The following TGIF1 variants were observed in gnomAD, a reference collection of about 807,000 sequenced individuals.
TGIF1 encodes the protein TGFB induced factor homeobox 1.
A neutral mutation model predicts 19.3 loss-of-function variants in TGIF1; 4 were observed. The observed-to-expected ratio is 0.21, with a 90% confidence interval of 0.10 to 0.47. TGIF1 has a LOEUF of 0.47. TGIF1 is among the 20% of genes least tolerant of loss of function. The probability of loss-of-function intolerance (pLI) is 0.98; values close to 1 mark genes in which losing one functional copy is unlikely to be tolerated. For missense variants in TGIF1, 275 were observed against 341.4 expected (o/e 0.81, Z 1.53); for synonymous variants, 122 against 129.3 (o/e 0.94, Z 0.38).
chr18:3,448,654 A>T, upstream of TGIF1: 2 of 983,540 alleles, frequency 2.0e-6, no homozygotes, highest in Non-Finnish European at 2.4e-6. Context: ...TTAGTCCTGT[A>T]ATTGGAAAAA....
chr18:3,432,921 G>A (rs919531105), intron 2 of TGIF1, among the ~76,000 whole-genome samples: 5 of 152,004 alleles, frequency 3.3e-5, no homozygotes, highest in African/African-American at 1.2e-4. Context: ...CACCAAGCCC[G>A]GCTAATTTTG....
intron 1 of TGIF1, chr18:3,452,441 C>G (rs996007047): frequency 1.9e-5 from 30 of 1,610,300 alleles, no homozygotes; most frequent in Middle Eastern, 1.6e-4. Context: ...GGAGCCGAGG[C>G]TGCCGAGGTT....
chr18:3,451,845 G>T lies in TGIF1; in HGVS notation c.16+1340G>T. Reference sequence around the variant, plus strand: ...TCGGGACAGGGAATTGGCCCTGGGAGAAAACGCGCGGGGGGCGTCCGAGAC... The same window carrying T: ...TCGGGACAGGGAATTGGCCCTGGGATAAAACGCGCGGGGGGCGTCCGAGAC... On this transcript the variant is annotated intron_variant, in intron 1 of 2. Transcript: ENST00000343820. The surrounding 1 kb of genome is among the most constrained non-coding windows in gnomAD (Gnocchi z 5.4). The T allele has an allele frequency of 7.2e-7, 1 of 1,394,008 alleles. No homozygotes were observed. Among genetic ancestry groups the T allele is most frequent in the South Asian group, 1.8e-5 (1 of 54,102 alleles). The allele number at this position is 1,394,008 out of a possible 1,614,324, so 86.4% of individuals were successfully genotyped here. A position where few individuals can be genotyped will look rare whatever the true frequency, so the allele number is the denominator to read the frequency against.
In TGIF1 at chr18:3,422,678, T is replaced by TAGG. The variant is rs2082417653; in HGVS notation, c.-45+4463_-45+4464insAGG. ...AAGTGCCCTATATAGGTGGCCTTTT[T>TAGG]TTTTTTTTTTTTTTTTTTTTTTTTT... On this transcript the variant is annotated intron_variant, in intron 2 of 3. Coordinates refer to the TGIF1 transcript ENST00000401449. 2.8e-4 allele frequency among the ~76,000 whole-genome samples: 8 copies of TAGG among 28,090 alleles called. No homozygotes were observed. In the East Asian group the frequency reaches 3.3e-3, roughly 12 times the overall value. 18.4% of individuals were successfully genotyped at this position (28,090 alleles called of 152,430 possible). A position where few individuals can be genotyped will look rare whatever the true frequency, so the allele number is the denominator to read the frequency against.
upstream of TGIF1, chr18:3,448,044 C>T (rs932706286): frequency 1.5e-5 from 15 of 971,132 alleles, no homozygotes; most frequent in African/African-American, 3.6e-5. Context: ...AAGAGGGAAA[C>T]ATTTTTGTCT....
chr18:3,430,257 G>C (rs1485250811), intron 2 of TGIF1, among the ~76,000 whole-genome samples: 1 of 152,144 alleles, frequency 6.6e-6, no homozygotes, highest in Non-Finnish European at 1.5e-5. Context: ...TGTATTTCAA[G>C]AGATTACTAG....
intron 2 of TGIF1, among the ~76,000 whole-genome samples, chr18:3,437,290 C>A (rs1050145624): frequency 3.3e-5 from 5 of 152,210 alleles, no homozygotes; most frequent in East Asian, 3.9e-4. Context: ...TCTTATCCTG[C>A]AGATAATCAA....
At chr18:3,414,079 G>C (rs2082302060) in intron 1 of TGIF1, among the ~76,000 whole-genome samples, 1 of 152,096 alleles carries the variant, frequency 6.6e-6, no homozygotes, top group Non-Finnish European at 1.5e-5. Context: ...ATTCTCTTAG[G>C]TTTTCTAGAT....
In TGIF1 at chr18:3,450,434, C is replaced by G; in HGVS notation, c.-56C>G. On this transcript the variant is annotated 5_prime_UTR_variant, in exon 1 of 3. Coordinates refer to ENST00000343820, the MANE Select transcript of TGIF1 (RefSeq NM_003244.4). ...GACGTTCGCTTATCCCCTGTGTCCC[C>G]GCTCCTGGCCCCTCCAGACCCCCGC... is the stretch of plus-strand genomic sequence containing the variant. The G allele has an allele frequency of 6.4e-7, 1 of 1,551,870 alleles. No homozygotes were observed. Among genetic ancestry groups the G allele is most frequent in the Non-Finnish European group, 8.7e-7 (1 of 1,147,292 alleles).
chr18:3,434,904 A>G (rs546494415), intron 2 of TGIF1, among the ~76,000 whole-genome samples: 1 of 152,344 alleles, frequency 6.6e-6, no homozygotes, highest in East Asian at 1.9e-4. Flanking sequence ...GTGAACAGGA[A>G]AAATAAAGCC....
chr18:3,437,232 A>G (rs2082625339), intron 2 of TGIF1, among the ~76,000 whole-genome samples: 1 of 152,150 alleles, frequency 6.6e-6, no homozygotes, highest in Non-Finnish European at 1.5e-5. Context: ...TCGATAGTTG[A>G]CATGACTTCT....
upstream of TGIF1, chr18:3,447,901 AC>A: frequency 6.6e-7 from 1 of 1,522,662 alleles, no homozygotes; most frequent in Non-Finnish European, 9.1e-7. Context: ...CAAGCTATAA[AC>A]CCTTTCCAAT....
intron 2 of TGIF1, among the ~76,000 whole-genome samples, chr18:3,439,293 A>T (rs2082653236): frequency 6.6e-6 from 1 of 152,142 alleles, no homozygotes; most frequent in Admixed American, 6.5e-5. Flanking sequence ...AGCAAAACAA[A>T]CAAAAACACT....
upstream of TGIF1, among the ~76,000 whole-genome samples, chr18:3,447,355 G>T (rs1308329603): frequency 1.6e-5 from 2 of 123,946 alleles, no homozygotes; most frequent in Non-Finnish European, 3.5e-5. Context: ...AAAAAAAAAA[G>T]CACTGGAAAG....
chr18:3,421,291 CTTA>C, intron 2 of TGIF1, among the ~76,000 whole-genome samples: 1 of 147,024 alleles, frequency 6.8e-6, no homozygotes, highest in Non-Finnish European at 1.5e-5. Context: ...GAGTTTGCGT[CTTA>C]CTATACTATA....
chr18:3,453,968 G>A (rs2083081177), intron 1 of TGIF1: 1 of 392,424 alleles, frequency 2.5e-6, no homozygotes, highest in Non-Finnish European at 3.5e-6. Flanking sequence ...TCCAAGCTGA[G>A]CCACAACTAG....
chr18:3,452,051 C>T (rs2082964332), intron 1 of TGIF1: 6 of 1,613,434 alleles, frequency 3.7e-6, no homozygotes, highest in Non-Finnish European at 4.2e-6. Context: ...GCGGGGGCGG[C>T]TCTGATTCCT....
chr18:3,450,698 G>T (rs1241105886), intron 1 of TGIF1, among the ~76,000 whole-genome samples, 193 bp downstream of exon 1: 1 of 152,220 alleles, frequency 6.6e-6, no homozygotes, highest in East Asian at 1.9e-4. Context: ...CAACACGAGG[G>T]GCTGTTGTGG....
In TGIF1 at chr18:3,451,639, C is replaced by T; in HGVS notation, c.16+1134C>T. On this transcript the variant is annotated intron_variant, in intron 1 of 2. Transcript: ENST00000343820. The surrounding 1 kb of genome is among the most constrained non-coding windows in gnomAD (Gnocchi z 5.4). Reference sequence around the variant, plus strand: ...GCTGCGGGGCGTTCCTGGGGGGTAGCCTCAAGGCCAGCGGGGTTCCTTCGG... The same window carrying T: ...GCTGCGGGGCGTTCCTGGGGGGTAGTCTCAAGGCCAGCGGGGTTCCTTCGG... 8.9e-7 allele frequency: 1 copy of T among 1,121,160 alleles called. No homozygotes were observed. Among genetic ancestry groups the T allele is most frequent in the Admixed American group, 4.7e-5 (1 of 21,066 alleles). The allele number at this position is 1,121,160 out of a possible 1,614,324, so 69.5% of individuals were successfully genotyped here.
Sources: gnomAD v4.1 joint callset for allele counts (sites outside exome capture counted in the v4.1 genomes callset) on GRCh38, gnomAD v4.1.1 for gene constraint, Gnocchi (gnomAD v3.1) non-coding constraint, MANE v1.5 for transcripts, NCBI Gene and HGNC (gene_info 2026-07-23, HGNC 2026-07-21) for gene names.